Variants in FOXP1 observed in about 807,000 individuals in gnomAD.
FOXP1 encodes the protein forkhead box protein P1.
A neutral mutation model predicts 98.2 loss-of-function variants in FOXP1; 15 were observed. That is an observed-to-expected ratio of 0.15 (90% CI 0.10 to 0.24). The LOEUF (loss-of-function observed/expected upper bound fraction) is 0.24, where lower values mean the gene tolerates loss of function less well. FOXP1 is among the 10% of genes least tolerant of loss of function. The probability of loss-of-function intolerance (pLI) is 1.00; values close to 1 mark genes in which losing one functional copy is unlikely to be tolerated. For synonymous variants in FOXP1, 371 were observed against 314.5 expected (o/e 1.18, Z -1.90); for missense variants, 633 against 848.5 (o/e 0.75, Z 3.15).
chr3:70,984,850 C>G (rs1055138365), intron 14 of FOXP1, among the ~76,000 whole-genome samples: 1 of 152,118 alleles, frequency 6.6e-6, no homozygotes, highest in Non-Finnish European at 1.5e-5. Context: ...CCGAGATGAG[C>G]GTATCCTCTA....
chr3:71,024,178 C>T (rs1451957166), intron 11 of FOXP1, among the ~76,000 whole-genome samples: 1 of 152,086 alleles, frequency 6.6e-6, no homozygotes, highest in Non-Finnish European at 1.5e-5. Context: ...GCAGATGAAA[C>T]GTGGGAACAG....
chr3:71,124,135 ATTT>A (rs143622144), intron 6 of FOXP1, among the ~76,000 whole-genome samples: 13,129 of 148,228 alleles, frequency 0.089, 695 homozygotes, highest in South Asian at 0.14. Flanking sequence ...TTAAAGTTAT[ATTT>A]TTTTAAAAAA....
chr3:71,404,120 C>CTTTTTTTTTTT lies in FOXP1; in HGVS notation c.-167-44887_-167-44877dup, dbSNP rs869086663. ...ATTGGGGTTTTTTTCTTTTCTTTTT[C>CTTTTTTTTTTT]TTTTTTTTTTTTTTTTTTTTTTTTG... On this transcript the variant is annotated intron_variant, in intron 3 of 20. Coordinates refer to ENST00000649528, the MANE Select transcript of FOXP1 (RefSeq NM_001349338.3). Among the ~76,000 whole-genome samples, 323 of 62,678 alleles carry CTTTTTTTTTTT rather than the reference C, an allele frequency of 5.2e-3. 3 individuals carry two copies. The highest frequency in any genetic ancestry group is 0.012 in the East Asian group (25 of 2,012). 41.1% of individuals were successfully genotyped at this position (62,678 alleles called of 152,430 possible). A position where few individuals can be genotyped will look rare whatever the true frequency, so the allele number is the denominator to read the frequency against.
chr3:70,954,736 T>C lies in FOXP1; in HGVS notation c.*4511A>G, dbSNP rs1410146368. The C allele has an allele frequency of 4.8e-5, 11 of 227,166 alleles. No individual in the cohort carries two copies. In the Admixed American group the frequency reaches 6.2e-4, roughly 13 times the overall value. 14.1% of individuals were successfully genotyped at this position (227,166 alleles called of 1,614,324 possible). On this transcript the variant is annotated 3_prime_UTR_variant, in exon 21 of 21. Coordinates refer to ENST00000649528, the MANE Select transcript of FOXP1 (RefSeq NM_001349338.3). ...TACTACCAGCGTGAACAACCAGCAT[T>C]TTTATTGCATTTGAGAATGCTTATA...
At chr3:71,385,619 C>T (rs1049963646) in intron 3 of FOXP1, among the ~76,000 whole-genome samples, 6 of 152,114 alleles carry the variant, frequency 3.9e-5, no homozygotes, top group African/African-American at 1.4e-4. Flanking sequence ...CAAACACACA[C>T]AGTAATACAT....
At chr3:71,416,712 G>C (rs2083253166) in intron 3 of FOXP1, among the ~76,000 whole-genome samples, 1 of 152,006 alleles carries the variant, frequency 6.6e-6, no homozygotes, top group Non-Finnish European at 1.5e-5. Context: ...AAGAGGAGAG[G>C]GAGGCATATT....
chr3:71,222,480 G>A (rs560757683), intron 5 of FOXP1, among the ~76,000 whole-genome samples: 11 of 152,034 alleles, frequency 7.2e-5, no homozygotes, highest in Non-Finnish European at 1.5e-4. Context: ...GTGCAGTGGC[G>A]CGATCTCAGC....
chr3:71,349,434 A>C (rs1370658340), intron 4 of FOXP1, among the ~76,000 whole-genome samples: 1 of 152,220 alleles, frequency 6.6e-6, no homozygotes. Flanking sequence ...ATAACTTAGT[A>C]ATCAGAGTTA....
intron 3 of FOXP1, among the ~76,000 whole-genome samples, chr3:71,388,211 A>T (rs2080745613): frequency 6.6e-6 from 1 of 152,184 alleles, no homozygotes; most frequent in Non-Finnish European, 1.5e-5. Context: ...AACAGATTCC[A>T]TATCCATTCT....
At chr3:71,562,712 C>A (rs1416042823) in intron 2 of FOXP1, among the ~76,000 whole-genome samples, 2 of 152,140 alleles carry the variant, frequency 1.3e-5, no homozygotes, top group African/African-American at 4.8e-5. Context: ...ACTAAGGGAC[C>A]ACACTGAGGC....
intron 7 of FOXP1, among the ~76,000 whole-genome samples, chr3:71,097,330 C>T (rs1478148937): frequency 6.6e-6 from 1 of 152,144 alleles, no homozygotes; most frequent in Non-Finnish European, 1.5e-5. Context: ...CAGCCATGCT[C>T]ATTCATTTAC....
chr3:71,082,521 T>A (rs917615504), intron 7 of FOXP1, among the ~76,000 whole-genome samples: 1 of 151,838 alleles, frequency 6.6e-6, no homozygotes, highest in African/African-American at 2.4e-5. Context: ...AAATACCTAA[T>A]GTAGATGACG....
chr3:71,026,380 G>C (rs192938189), intron 11 of FOXP1, among the ~76,000 whole-genome samples: 2 of 152,344 alleles, frequency 1.3e-5, no homozygotes, highest in African/African-American at 4.8e-5. Context: ...TGAGGATCCA[G>C]TCTGTAGCTG....
intron 6 of FOXP1, among the ~76,000 whole-genome samples, chr3:71,165,961 G>A (rs1277195084): frequency 6.6e-6 from 1 of 152,204 alleles, no homozygotes; most frequent in Non-Finnish European, 1.5e-5. Flanking sequence ...TTTGTATGAA[G>A]ACAGAAGGCT....
chr3:71,383,099 C>T (rs1577228912), intron 3 of FOXP1, among the ~76,000 whole-genome samples: 1 of 152,166 alleles, frequency 6.6e-6, no homozygotes, highest in South Asian at 2.1e-4. Flanking sequence ...CAGGAAACTG[C>T]CTGATGTTCC....
chr3:71,113,471 C>T (rs2058103083), intron 6 of FOXP1, among the ~76,000 whole-genome samples: 1 of 152,122 alleles, frequency 6.6e-6, no homozygotes, highest in African/African-American at 2.4e-5. Flanking sequence ...TGGCTCACGC[C>T]TGTAATCCCA....
intron 6 of FOXP1, among the ~76,000 whole-genome samples, chr3:71,133,677 TAAA>T (rs201177954): frequency 7.2e-6 from 1 of 139,364 alleles, no homozygotes; most frequent in Non-Finnish European, 1.6e-5. Context: ...CTCCTCTAAA[TAAA>T]AAAAAAAAGG....
At chr3:71,409,161 TCTCA>T (rs1287889146) in intron 3 of FOXP1, among the ~76,000 whole-genome samples, 1 of 152,084 alleles carries the variant, frequency 6.6e-6, no homozygotes, top group Non-Finnish European at 1.5e-5. Context: ...CCCCCTCAGG[TCTCA>T]CTATCTTTTT....
intron 5 of FOXP1, among the ~76,000 whole-genome samples, chr3:71,215,980 T>G (rs1345225468): frequency 2.0e-5 from 3 of 152,238 alleles, no homozygotes; most frequent in Non-Finnish European, 4.4e-5. Flanking sequence ...AGAAGGTACA[T>G]GCTAATAATT....
Sources: allele counts gnomAD v4.1 joint callset (sites outside exome capture counted in the v4.1 genomes callset), GRCh38; gene constraint gnomAD v4.1.1; transcripts MANE v1.5; gene names NCBI Gene and HGNC (gene_info 2026-07-23, HGNC 2026-07-21).